SUPT5H: variants seen among roughly 807,000 people sequenced by gnomAD.
SUPT5H encodes the protein SPT5 homolog, DSIF elongation factor subunit, also known as transcription elongation factor SPT5.
Under a neutral mutation model 142.5 loss-of-function variants are expected in SUPT5H, and 24 were observed. The observed-to-expected ratio is 0.17, with a 90% CI of 0.12 to 0.24. The LOEUF (loss-of-function observed/expected upper bound fraction) is 0.24. Among genes scored for constraint, SUPT5H ranks in the 10% least tolerant of loss-of-function variants. The pLI, the probability that SUPT5H is intolerant of heterozygous loss-of-function variation, is 1.00. For missense variants in SUPT5H, 893 were observed against 1,471.8 expected, an observed-to-expected ratio of 0.61 and a Z score of 6.43; for synonymous variants, 546 against 553.0, an observed-to-expected ratio of 0.99 and a Z score of 0.18.
chr19:39,473,616 C>G lies in SUPT5H; in HGVS notation c.2492+95C>G, dbSNP rs943681309. 3.2e-5 allele frequency: 43 copies of G among 1,329,652 alleles called. No homozygotes were observed. Among genetic ancestry groups the G allele is most frequent in the Non-Finnish European group, 4.1e-5 (40 of 973,746 alleles). The allele number at this position is 1,329,652 out of a possible 1,614,324, so 82.4% of individuals were successfully genotyped here. ...CATTGGAGGGGTTTGTGGGGCCCAC[C>G]CAGCATTCTCTGCTCCTAGCCTCAG... On this transcript the variant is annotated intron_variant, in intron 25 of 29. Transcript: ENST00000432763. This position sits in a 1 kb window ranked among gnomAD's most constrained non-coding sequence, Gnocchi z 5.8.
intron 7 of SUPT5H, 54 bp from the exon 8 acceptor site, chr19:39,459,130 G>T: frequency 4.3e-6 from 7 of 1,613,458 alleles, no homozygotes; most frequent in Non-Finnish European, 4.2e-6. Flanking sequence ...TAAGCGGGAA[G>T]GGGCGGGGAT....
intron 4 of SUPT5H, chr19:39,457,965 C>G (rs2079112191): frequency 2.3e-6 from 2 of 873,624 alleles, no homozygotes; most frequent in Non-Finnish European, 3.7e-6. Context: ...GGAGAGGACT[C>G]TGGGATCCCA....
In SUPT5H at chr19:39,458,231, CCCACCACCACCACCACCACCA is replaced by C. The variant is rs113169927; in HGVS notation, c.308-39_308-19del. Reference sequence around the variant, plus strand: ...TTGGCTCATACTTTGTCTGCCCTCGCCCACCACCACCACCACCACCACCACCACCACCACCACCACCACCTC... The same window carrying C: ...TTGGCTCATACTTTGTCTGCCCTCGCCCACCACCACCACCACCACCACCTC... On this transcript the variant is annotated intron_variant, in intron 4 of 29. Coordinates refer to ENST00000432763, the MANE Select transcript of SUPT5H (RefSeq NM_001111020.3). The surrounding 1 kb of genome is among the most constrained non-coding windows in gnomAD (Gnocchi z 4.2). The C allele has an allele frequency of 1.9e-4, 261 of 1,364,696 alleles. No individual in the cohort carries two copies. Among genetic ancestry groups the C allele is most frequent in the East Asian group, 4.9e-4 (20 of 40,832 alleles). 84.5% of individuals were successfully genotyped at this position (1,364,696 alleles called of 1,614,324 possible). A position where few individuals can be genotyped will look rare whatever the true frequency, so the allele number is the denominator to read the frequency against.
chr19:39,462,318 A>G (rs554400495), intron 10 of SUPT5H, among the ~76,000 whole-genome samples: 2 of 152,304 alleles, frequency 1.3e-5, no homozygotes, highest in Non-Finnish European at 2.9e-5. Flanking sequence ...TCCCAAAAAT[A>G]AACCGATACC....
At chr19:39,452,204 A>C (rs953624352) in intron 2 of SUPT5H, among the ~76,000 whole-genome samples, 2 of 152,172 alleles carry the variant, frequency 1.3e-5, no homozygotes, top group Non-Finnish European at 2.9e-5. Context: ...AGTGAGTATG[A>C]AAGGGCTCAG....
chr19:39,460,726 A>G (rs570729632), intron 10 of SUPT5H, among the ~76,000 whole-genome samples: 2 of 152,264 alleles, frequency 1.3e-5, no homozygotes, highest in East Asian at 1.9e-4. Context: ...AAAAAGGATT[A>G]GGTGGCTTTA....
intron 10 of SUPT5H, 115 bp downstream of exon 10, chr19:39,460,075 G>A: frequency 1.9e-6 from 2 of 1,052,036 alleles, no homozygotes; most frequent in Non-Finnish European, 1.5e-6. Context: ...TGCCTGCTGA[G>A]TGAGCTGCTT....
rs1406691853 is a variant in SUPT5H, at chr19:39,476,651, A to C, written c.*252A>C. The stretch of plus-strand genomic sequence containing the variant: ...TTTGTTGTACCGTCTTTCAATAAAA[A>C]GAAGCTGTTTGGTCTAAAAGTGCGT... On this transcript the variant is annotated 3_prime_UTR_variant, in exon 30 of 30. Coordinates refer to ENST00000432763, the MANE Select transcript of SUPT5H (RefSeq NM_001111020.3). 1 of 538,558 alleles carries C rather than the reference A, an allele frequency of 1.9e-6. No homozygotes were observed. Among genetic ancestry groups the C allele is most frequent in the Non-Finnish European group, 3.3e-6 (1 of 301,310 alleles). The allele number at this position is 538,558 out of a possible 1,614,324, so 33.4% of individuals were successfully genotyped here. A position where few individuals can be genotyped will look rare whatever the true frequency, so the allele number is the denominator to read the frequency against.
Position 39,474,672 on chromosome 19 carries a change from T to C in SUPT5H, c.2978T>C (p.Leu993Pro). The change falls in exon 28 of 30, where the codon CTG becomes CCG. Residue 993 changes from leucine (L) to proline (P), a missense_variant. By Grantham distance (98) the Leu-to-Pro change is moderately conservative. Coordinates refer to ENST00000432763, the MANE Select transcript of SUPT5H (RefSeq NM_001111020.3). The surrounding 1 kb of genome is among the most constrained non-coding windows in gnomAD (Gnocchi z 6.5). ...CAGGTGAAGGTGCGGGACACCTACC[T>C]GGATACACAGGTGGTGGGACAGACA... ...DIQVKVRDTYLDTQVVGQTGV... is the reference protein window; with the variant it reads ...DIQVKVRDTYPDTQVVGQTGV... 6.2e-7 allele frequency: 1 copy of C among 1,614,008 alleles called. No homozygotes were observed. Among genetic ancestry groups the C allele is most frequent in the Non-Finnish European group, 8.5e-7 (1 of 1,179,966 alleles).
chr19:39,470,295 G>C lies in SUPT5H; in HGVS notation c.1530+21G>C. The C allele has an allele frequency of 6.4e-7, 1 of 1,554,278 alleles. No homozygotes were observed. On this transcript the variant is annotated intron_variant, in intron 17 of 29. Transcript: ENST00000432763. This position sits in a 1 kb window ranked among gnomAD's most constrained non-coding sequence, Gnocchi z 5.8. Reference sequence around the variant, plus strand: ...ATGAGGTAGGTGGATAGAAGGGTCGGGGAAGGGTGCACGTGCCAAGAGGAG... The same window carrying C: ...ATGAGGTAGGTGGATAGAAGGGTCGCGGAAGGGTGCACGTGCCAAGAGGAG...
rs752025943 is a variant in SUPT5H, at chr19:39,459,097, G to T, written c.458+24G>T. The stretch of plus-strand genomic sequence containing the variant: ...ACGTAAGGGCATGGTGGGGGCAGGT[G>T]GGGGCAGGGAGCAGGTGGTCCCTAA... On this transcript the variant is annotated intron_variant, in intron 7 of 29. Transcript: ENST00000432763. The T allele has an allele frequency of 4.3e-6, 7 of 1,613,878 alleles. No individual in the cohort carries two copies. In the Admixed American group the frequency reaches 1.2e-4, roughly 27 times the overall value.
At chr19:39,476,228 A>G in intron 29 of SUPT5H, 28 bp from the exon 30 acceptor site, 1 of 1,613,830 alleles carries the variant, frequency 6.2e-7, no homozygotes, top group Non-Finnish European at 8.5e-7. Flanking sequence ...GCTGACATGG[A>G]CCCTGACCAT....
chr19:39,450,687 G>A (rs1432443876), intron 2 of SUPT5H, among the ~76,000 whole-genome samples: 1 of 152,230 alleles, frequency 6.6e-6, no homozygotes, highest in Non-Finnish European at 1.5e-5. Context: ...TATATTCTAG[G>A]TTGGGGATGA....
Position 39,473,670 on chromosome 19 carries a change from C to A in SUPT5H, c.2492+149C>A. On this transcript the variant is annotated intron_variant, in intron 25 of 29. Transcript: ENST00000432763. The surrounding 1 kb of genome is among the most constrained non-coding windows in gnomAD (Gnocchi z 5.8). ...GGTCCCTTTGAAGGAGGAGGCATAG[C>A]ATGGCGGGGCGGGGGCAAAGCGGCC... 9.9e-7 allele frequency: 1 copy of A among 1,013,184 alleles called. No individual in the cohort carries two copies. The highest frequency in any genetic ancestry group is 1.4e-6 in the Non-Finnish European group (1 of 705,784). The allele number at this position is 1,013,184 out of a possible 1,614,324, so 62.8% of individuals were successfully genotyped here.
chr19:39,448,135 T>C (rs2078976324), intron 2 of SUPT5H, among the ~76,000 whole-genome samples: 1 of 152,230 alleles, frequency 6.6e-6, no homozygotes, highest in Non-Finnish European at 1.5e-5. Context: ...TTTGTCCTCT[T>C]GCTTGCCTTG....
Position 39,466,390 on chromosome 19 carries a change from C to A in SUPT5H, c.877-90C>A. On this transcript the variant is annotated intron_variant, in intron 11 of 29. Coordinates refer to ENST00000432763, the MANE Select transcript of SUPT5H (RefSeq NM_001111020.3). The surrounding 1 kb of genome is among the most constrained non-coding windows in gnomAD (Gnocchi z 4.3). Reference sequence around the variant, plus strand: ...GTTTCTTCCCCACCATCCTGCGTCCCTTCTCCTTCCTAGCATCTCCTGACC... The same window carrying A: ...GTTTCTTCCCCACCATCCTGCGTCCATTCTCCTTCCTAGCATCTCCTGACC... 1 of 1,260,570 alleles carries A rather than the reference C, an allele frequency of 7.9e-7. No homozygotes were observed. The highest frequency in any genetic ancestry group is 1.2e-6 in the Non-Finnish European group (1 of 868,742). The allele number at this position is 1,260,570 out of a possible 1,614,324, so 78.1% of individuals were successfully genotyped here.
intron 11 of SUPT5H, 101 bp downstream of exon 11, chr19:39,465,150 A>G: frequency 6.7e-7 from 1 of 1,492,714 alleles, no homozygotes; most frequent in Non-Finnish European, 9.0e-7. Context: ...AGAGAATAGA[A>G]TCCCACTCAG....
At chr19:39,451,335 T>TG (rs1237510141) in intron 2 of SUPT5H, among the ~76,000 whole-genome samples, 1 of 151,322 alleles carries the variant, frequency 6.6e-6, no homozygotes, top group Non-Finnish European at 1.5e-5. Flanking sequence ...ACTACAGGCG[T>TG]GCCACCATGC....
Position 39,474,061 on chromosome 19 carries a change from A to T in SUPT5H, c.2591A>T (p.Asp864Val). The part of the protein sequence containing the change: ...TPNPQTPGYP[D>V]PSSPQVNPQY... ...AATCCCCAAACACCTGGCTACCCAGACCCCTCGTCCCCACAGGTCAACCCA... is the reference window on the plus strand; with the variant it reads ...AATCCCCAAACACCTGGCTACCCAGTCCCCTCGTCCCCACAGGTCAACCCA... The change falls in exon 26 of 30, where the codon GAC (aspartate) becomes GTC (valine). Residue 864 changes from aspartate to valine, a missense_variant. Coordinates refer to ENST00000432763, the MANE Select transcript of SUPT5H (RefSeq NM_001111020.3). This position sits in a 1 kb window ranked among gnomAD's most constrained non-coding sequence, Gnocchi z 6.5. 1 of 1,610,232 alleles carries T rather than the reference A, an allele frequency of 6.2e-7. No homozygotes were observed. The highest frequency in any genetic ancestry group is 1.7e-5 in the Admixed American group (1 of 59,654).
Sources: gnomAD v4.1 joint callset for allele counts (sites outside exome capture counted in the v4.1 genomes callset) on GRCh38, gnomAD v4.1.1 for gene constraint, Gnocchi (gnomAD v3.1) non-coding constraint, MANE v1.5 for transcripts, NCBI Gene and HGNC (gene_info 2026-07-23, HGNC 2026-07-21) for gene names.